Variants in CUEDC1 observed in about 807,000 individuals in gnomAD.
CUEDC1 encodes the protein CUE domain-containing protein 1.
In CUEDC1, 30 loss-of-function variants were observed where a neutral mutation model predicts 43.7. That is an observed-to-expected ratio of 0.69 (90% confidence interval 0.51 to 0.93). The LOEUF is 0.93. CUEDC1 is among the 40% of genes least tolerant of loss of function. The pLI is 0.00. For missense variants in CUEDC1, 486 were observed against 549.0 expected, an observed-to-expected ratio of 0.89 and a Z score of 1.15; for synonymous variants, 223 against 223.6, an observed-to-expected ratio of 1.00 and a Z score of 0.02.
intron 1 of CUEDC1, among the ~76,000 whole-genome samples, chr17:57,887,117 G>C (rs1293490122): frequency 6.6e-6 from 1 of 152,038 alleles, no homozygotes; most frequent in African/African-American, 2.4e-5. Context: ...CACCGTGCCC[G>C]GCCATAAATT....
At chr17:57,903,064 C>T (rs1249972159) in intron 1 of CUEDC1, 1 of 152,230 alleles carries the variant, frequency 6.6e-6, no homozygotes, top group Non-Finnish European at 1.5e-5. Context: ...TTGAGGCCAT[C>T]CTGGCAATGG....
intron 1 of CUEDC1, among the ~76,000 whole-genome samples, chr17:57,943,960 C>A (rs554098755): frequency 1.3e-5 from 2 of 152,246 alleles, no homozygotes; most frequent in Admixed American, 6.5e-5. Flanking sequence ...GTAAATACAT[C>A]TATGGACTCA....
chr17:57,929,042 A>G (rs2074777723), intron 1 of CUEDC1, among the ~76,000 whole-genome samples: 1 of 152,146 alleles, frequency 6.6e-6, no homozygotes, highest in African/African-American at 2.4e-5. Context: ...AATTTGCCAC[A>G]GTTTTAAAGG....
At chr17:57,934,576 A>G (rs1419816883) in intron 1 of CUEDC1, among the ~76,000 whole-genome samples, 1 of 144,234 alleles carries the variant, frequency 6.9e-6, no homozygotes, top group African/African-American at 2.8e-5. Flanking sequence ...AAAAAAAAAA[A>G]AAAAAAAAAA....
At chr17:57,926,153 C>T (rs1439610125) in intron 1 of CUEDC1, among the ~76,000 whole-genome samples, 3 of 152,142 alleles carry the variant, frequency 2.0e-5, no homozygotes, top group Admixed American at 6.5e-5. Flanking sequence ...CTCAAAGTTG[C>T]GAGAGGGGCA....
chr17:57,901,395 A>G (rs548741709), intron 1 of CUEDC1, among the ~76,000 whole-genome samples: 9 of 152,330 alleles, frequency 5.9e-5, no homozygotes, highest in African/African-American at 1.9e-4. Context: ...AGTTGATTTA[A>G]GGAAACCTGA....
chr17:57,869,592 C>T (rs1178077980), intron 6 of CUEDC1, among the ~76,000 whole-genome samples: 1 of 152,178 alleles, frequency 6.6e-6, no homozygotes, highest in Non-Finnish European at 1.5e-5. Context: ...ACCAGCACAC[C>T]AGGGGCCTCC....
intron 1 of CUEDC1, among the ~76,000 whole-genome samples, chr17:57,897,059 C>T (rs2074418735): frequency 6.6e-6 from 1 of 152,082 alleles, no homozygotes; most frequent in Non-Finnish European, 1.5e-5. Context: ...GCATGAGCCA[C>T]CGCGCCTGGC....
chr17:57,867,069 C>T, intron 9 of CUEDC1: 1 of 515,452 alleles, frequency 1.9e-6, no homozygotes, highest in Non-Finnish European at 3.5e-6. Flanking sequence ...GGCCTGTCTG[C>T]CACCTCACAC....
At chr17:57,935,406 A>AAACAC (rs2074851586) in intron 1 of CUEDC1, among the ~76,000 whole-genome samples, 1 of 77,012 alleles carries the variant, frequency 1.3e-5, no homozygotes, top group Admixed American at 1.6e-4. Flanking sequence ...CACACACACA[A>AAACAC]ACACACACAC....
intron 3 of CUEDC1, among the ~76,000 whole-genome samples, chr17:57,876,157 G>A (rs897644568): frequency 1.3e-5 from 2 of 152,128 alleles, no homozygotes; most frequent in Admixed American, 6.5e-5. Context: ...GAACCTGATC[G>A]TGTCGCTCTC....
At chr17:57,890,485 A>G (rs544135148) in intron 1 of CUEDC1, among the ~76,000 whole-genome samples, 2 of 152,286 alleles carry the variant, frequency 1.3e-5, no homozygotes, top group East Asian at 3.9e-4. Flanking sequence ...CACTGGGCTC[A>G]TCAGACCTCT....
At chr17:57,871,440 C>G in intron 5 of CUEDC1, 71 bp from the exon 6 acceptor site, 1 of 1,322,814 alleles carries the variant, frequency 7.6e-7, no homozygotes. Context: ...TGGGCTGGGA[C>G]ACGGTAGTTT....
chr17:57,898,590 A>G (rs2074437923), intron 1 of CUEDC1, among the ~76,000 whole-genome samples: 1 of 152,174 alleles, frequency 6.6e-6, no homozygotes, highest in South Asian at 2.1e-4. Context: ...ACAGCACCCC[A>G]CAAGGGAAGC....
At chr17:57,926,785 G>A (rs982124228) in intron 1 of CUEDC1, among the ~76,000 whole-genome samples, 8 of 152,126 alleles carry the variant, frequency 5.3e-5, no homozygotes, top group South Asian at 2.1e-4. Context: ...TAACCACATC[G>A]TTTTTCTTTT....
At chr17:57,878,047 C>T (rs1467958328) in intron 3 of CUEDC1, among the ~76,000 whole-genome samples, 2 of 152,138 alleles carry the variant, frequency 1.3e-5, no homozygotes, top group Non-Finnish European at 2.9e-5. Context: ...CCACTCGTGA[C>T]AAAGATCCCA....
intron 1 of CUEDC1, among the ~76,000 whole-genome samples, chr17:57,922,826 A>C (rs2074710423): frequency 6.6e-6 from 1 of 151,916 alleles, no homozygotes; most frequent in Non-Finnish European, 1.5e-5. Flanking sequence ...GGTCTAAATC[A>C]GTTCTGCAAT....
At chr17:57,867,971 C>T (rs2073983735) in intron 8 of CUEDC1, among the ~76,000 whole-genome samples, 179 bp downstream of exon 8, 2 of 152,116 alleles carry the variant, frequency 1.3e-5, no homozygotes, top group African/African-American at 4.8e-5. Flanking sequence ...TGGTTGGCAA[C>T]GAGAGACGGG....
intron 1 of CUEDC1, among the ~76,000 whole-genome samples, chr17:57,944,739 C>T (rs937550606): frequency 6.6e-6 from 1 of 152,224 alleles, no homozygotes; most frequent in African/African-American, 2.4e-5. Context: ...CACACTCACA[C>T]ATTTCACACT....
Sources: allele counts gnomAD v4.1 joint callset (sites outside exome capture counted in the v4.1 genomes callset), GRCh38; gene constraint gnomAD v4.1.1; transcripts MANE v1.5; gene names NCBI Gene and HGNC (gene_info 2026-07-23, HGNC 2026-07-21).